Variants in RAPGEF5 observed in about 807,000 individuals in gnomAD.
RAPGEF5 encodes the protein M-Ras-regulated GEF.
RAPGEF5 carries 65 observed loss-of-function variants against 125.2 expected under a neutral mutation model. The ratio of observed to expected loss-of-function variants is 0.52; its 90% CI spans 0.43 to 0.64. The LOEUF (loss-of-function observed/expected upper bound fraction) is 0.64. Ranked by LOEUF, RAPGEF5 falls within the 30% of genes least tolerant of loss-of-function variation. The probability of loss-of-function intolerance (pLI) is 0.00; values close to 1 mark genes in which losing one functional copy is unlikely to be tolerated. For synonymous variants in RAPGEF5, 391 were observed against 385.9 expected, an observed-to-expected ratio of 1.01 and a Z score of -0.16; for missense variants, 958 against 1,048.1, an observed-to-expected ratio of 0.91 and a Z score of 1.19.
intron 1 of RAPGEF5, among the ~76,000 whole-genome samples, chr7:22,326,050 C>T (rs1228657963): frequency 6.6e-6 from 1 of 152,190 alleles, no homozygotes; most frequent in Non-Finnish European, 1.5e-5. Context: ...GGAGTAGCCA[C>T]CTTTCTTCCC....
intron 14 of RAPGEF5, among the ~76,000 whole-genome samples, chr7:22,159,263 A>T (rs1278210909): frequency 6.6e-6 from 1 of 152,256 alleles, no homozygotes; most frequent in East Asian, 1.9e-4. Flanking sequence ...CATTTACAAC[A>T]TCCATCTCTA....
At chr7:22,251,420 C>T (rs1210131979) in intron 7 of RAPGEF5, among the ~76,000 whole-genome samples, 1 of 152,124 alleles carries the variant, frequency 6.6e-6, no homozygotes, top group African/African-American at 2.4e-5. Flanking sequence ...TGGGCCCTGC[C>T]TCAGAATGCT....
At chr7:22,293,631 C>T (rs1218232764) in intron 5 of RAPGEF5, among the ~76,000 whole-genome samples, 5 of 152,160 alleles carry the variant, frequency 3.3e-5, no homozygotes, top group African/African-American at 9.7e-5. Flanking sequence ...GGATTTTCCT[C>T]ACTTGCCCAC....
intron 11 of RAPGEF5, among the ~76,000 whole-genome samples, chr7:22,178,286 T>C (rs73683318): frequency 0.072 from 11,011 of 152,236 alleles, 453 homozygotes; most frequent in Middle Eastern, 0.14. Flanking sequence ...ATTCTCTATA[T>C]GAAAGATTAT....
intron 8 of RAPGEF5, among the ~76,000 whole-genome samples, chr7:22,220,808 T>A (rs2128132742): frequency 6.6e-6 from 1 of 152,202 alleles, no homozygotes; most frequent in South Asian, 2.1e-4. Flanking sequence ...TACCAAGACA[T>A]GATCTAATAA....
At chr7:22,230,402 GT>G (rs1233800478) in intron 8 of RAPGEF5, among the ~76,000 whole-genome samples, 2 of 152,318 alleles carry the variant, frequency 1.3e-5, no homozygotes, top group Middle Eastern at 6.8e-3. Flanking sequence ...GTTATATAAA[GT>G]TAACAGCTGG....
At chr7:22,267,045 G>A in intron 6 of RAPGEF5, 33 bp from the exon 7 acceptor site, 1 of 1,564,754 alleles carries the variant, frequency 6.4e-7, no homozygotes, top group Non-Finnish European at 8.8e-7. Flanking sequence ...AATCAAATTA[G>A]AAGAAGAAAA....
At chr7:22,160,437 T>C in intron 14 of RAPGEF5, 81 bp downstream of exon 14, 1 of 1,340,160 alleles carries the variant, frequency 7.5e-7, no homozygotes, top group South Asian at 1.5e-5. Flanking sequence ...AATCAACTTT[T>C]ATGTATAAGG....
chr7:22,162,624 G>T, intron 12 of RAPGEF5, 83 bp from the exon 13 acceptor site: 1 of 1,296,684 alleles, frequency 7.7e-7, no homozygotes, highest in South Asian at 1.3e-5. Flanking sequence ...TACAAAATAT[G>T]TGAAGGCATA....
At chr7:22,284,578 G>A (rs1300374492) in intron 6 of RAPGEF5, among the ~76,000 whole-genome samples, 1 of 152,166 alleles carries the variant, frequency 6.6e-6, no homozygotes, top group Non-Finnish European at 1.5e-5. Flanking sequence ...GGAAGGACTG[G>A]AGCCAGCCTA....
At chr7:22,338,850 C>T (rs113660004) in intron 1 of RAPGEF5, among the ~76,000 whole-genome samples, 33,544 of 152,108 alleles carry the variant, frequency 0.22, 4,049 homozygotes, top group South Asian at 0.28. Flanking sequence ...GCAGAAGAGG[C>T]GCCCCCACCA....
chr7:22,193,416 C>A lies in RAPGEF5; in HGVS notation c.1155G>T (p.Glu385Asp). 1 of 1,597,510 alleles carries A rather than the reference C, an allele frequency of 6.3e-7. No homozygotes were observed. The highest frequency in any genetic ancestry group is 8.5e-7 in the Non-Finnish European group (1 of 1,171,570). ...CCAGGTGCAAGTCATTCAAAAGGTG[C>A]TCCAAAATCTTCTCCGGGGTCCCGG... ...VVSGTPEKIL[E>D]HLLNDLHLEE... is the part of the protein sequence containing the mutation. Residue 385 changes from glutamate to aspartate, a missense_variant, in exon 11 of 26, where the codon GAG (glutamate) becomes GAT (aspartate). By Grantham distance (45) the Glu-to-Asp change is conservative. Coordinates refer to ENST00000665637, the MANE Select transcript of RAPGEF5 (RefSeq NM_012294.5).
In RAPGEF5 at chr7:22,205,002, A is replaced by G. The variant is rs138776361; in HGVS notation, c.997-10969T>C. Among the ~76,000 whole-genome samples the G allele has an allele frequency of 2.6e-3, 389 of 152,210 alleles. 4 individuals carry two copies. Among genetic ancestry groups the G allele is most frequent in the African/African-American group, 8.5e-3 (352 of 41,532 alleles). On this transcript the variant is annotated intron_variant, in intron 9 of 25. Transcript: ENST00000665637. ...AGGTGTGGAGAGAAGAGGAGGACAG[A>G]CTGGGGGAACAAAAAAGGAATTAGT...
intron 6 of RAPGEF5, among the ~76,000 whole-genome samples, chr7:22,269,143 T>C (rs1015297307): frequency 6.7e-6 from 1 of 149,968 alleles, no homozygotes; most frequent in Non-Finnish European, 1.5e-5. Flanking sequence ...GTACGATAGC[T>C]TCCGTGTTTC....
At chr7:22,188,531 C>T (rs1784891099) in intron 11 of RAPGEF5, among the ~76,000 whole-genome samples, 1 of 151,974 alleles carries the variant, frequency 6.6e-6, no homozygotes, top group South Asian at 2.1e-4. Flanking sequence ...CTTTGGGAGG[C>T]CAAGGTGGGT....
chr7:22,161,537 A>AACACACACACACACAC lies in RAPGEF5; in HGVS notation c.1428+844_1428+859dup, dbSNP rs369030719. Reference sequence around the variant, plus strand: ...GGGTAGCAGAGCAAGACCCTGTCTCAACACACACACACACACACACACACA... The same window carrying AACACACACACACACAC: ...GGGTAGCAGAGCAAGACCCTGTCTCAACACACACACACACACACACACACACACACACACACACACA... On this transcript the variant is annotated intron_variant, in intron 13 of 25. Transcript: ENST00000665637. 4.2e-3 allele frequency among the ~76,000 whole-genome samples: 566 copies of AACACACACACACACAC among 136,086 alleles called. 1 individual carries two copies. Among genetic ancestry groups the AACACACACACACACAC allele is most frequent in the African/African-American group, 9.8e-3 (359 of 36,466 alleles). 89.3% of individuals were successfully genotyped at this position (136,086 alleles called of 152,430 possible). A position where few individuals can be genotyped will look rare whatever the true frequency, so the allele number is the denominator to read the frequency against.
chr7:22,311,762 C>A (rs1310191923), intron 3 of RAPGEF5, among the ~76,000 whole-genome samples: 1 of 152,166 alleles, frequency 6.6e-6, no homozygotes, highest in African/African-American at 2.4e-5. Context: ...ATAAAACAGG[C>A]AATTAGACCA....
chr7:22,195,983 G>A (rs1163102903), intron 9 of RAPGEF5, among the ~76,000 whole-genome samples: 2 of 152,130 alleles, frequency 1.3e-5, no homozygotes, highest in Non-Finnish European at 2.9e-5. Context: ...GGATGGGAAG[G>A]GCTTCTCTAA....
chr7:22,356,111 T>C (rs1283719945), intron 1 of RAPGEF5: 1 of 985,138 alleles, frequency 1.0e-6, no homozygotes, highest in African/African-American at 1.7e-5. Context: ...CTGCTTCTCT[T>C]AAAAATACAA....
Sources: allele counts gnomAD v4.1 joint callset (sites outside exome capture counted in the v4.1 genomes callset), GRCh38; gene constraint gnomAD v4.1.1; transcripts MANE v1.5; gene names NCBI Gene and HGNC (gene_info 2026-07-23, HGNC 2026-07-21).